Variants in NOX4 observed in about 807,000 individuals in gnomAD.
NOX4 encodes kidney oxidase-1.
In NOX4, 69 loss-of-function variants were observed where a neutral mutation model predicts 87.6. That is an observed-to-expected ratio of 0.79 (90% CI 0.65 to 0.96). The LOEUF is 0.96. NOX4 is among the 40% of genes least tolerant of loss of function. NOX4 has a pLI of 0.00. For missense variants in NOX4, 680 were observed against 681.5 expected, an observed-to-expected ratio of 1.00 and a Z score of 0.02; for synonymous variants, 275 against 238.2, an observed-to-expected ratio of 1.15 and a Z score of -1.42.
At chr11:89,546,634 C>T in the NOX4 span, 1 of 152,174 alleles carries the variant, frequency 6.6e-6, no homozygotes, top group Non-Finnish European at 1.5e-5. Flanking sequence ...AATAATTTCT[C>T]ACAGTTCTGG....
chr11:89,522,016 G>GA, the NOX4 span, among the ~76,000 whole-genome samples: 4 of 148,520 alleles, frequency 2.7e-5, no homozygotes, highest in African/African-American at 5.0e-5. Context: ...CTGTTAGAAA[G>GA]AAAAAACAGC....
intron 4 of NOX4, among the ~76,000 whole-genome samples, chr11:89,448,139 C>G (rs1447719985): frequency 6.6e-6 from 1 of 152,022 alleles, no homozygotes; most frequent in Non-Finnish European, 1.5e-5. Context: ...TAATTCTATC[C>G]TAAAAATTTC....
At chr11:89,566,488 T>A in the NOX4 span, among the ~76,000 whole-genome samples, 2 of 152,320 alleles carry the variant, frequency 1.3e-5, no homozygotes, top group East Asian at 3.9e-4. Context: ...TTTGGTAGGA[T>A]TTATTAGTTT....
intron 7 of NOX4, among the ~76,000 whole-genome samples, chr11:89,424,893 G>A (rs985967922): frequency 1.3e-5 from 2 of 152,012 alleles, no homozygotes; most frequent in Non-Finnish European, 2.9e-5. Context: ...AGAGATATCT[G>A]TCTCCATGAT....
intron 4 of NOX4, among the ~76,000 whole-genome samples, chr11:89,448,491 AT>A (rs1944809863): frequency 6.6e-6 from 1 of 152,190 alleles, no homozygotes; most frequent in Non-Finnish European, 1.5e-5. Flanking sequence ...AAATTTTGAC[AT>A]TGGTTTTTCT....
At chr11:89,339,052 G>A (rs1373519815) in intron 15 of NOX4, among the ~76,000 whole-genome samples, 1 of 152,118 alleles carries the variant, frequency 6.6e-6, no homozygotes, top group African/African-American at 2.4e-5. Flanking sequence ...AATAGTTTCA[G>A]ATTGATAGTA....
chr11:89,413,535 G>A (rs1942598926), intron 8 of NOX4, among the ~76,000 whole-genome samples: 2 of 152,072 alleles, frequency 1.3e-5, no homozygotes. Flanking sequence ...GACGTGGGTG[G>A]AACTGAGGTC....
chr11:89,522,375 G>T, the NOX4 span, among the ~76,000 whole-genome samples: 1 of 152,134 alleles, frequency 6.6e-6, no homozygotes, highest in Non-Finnish European at 1.5e-5. Flanking sequence ...AATGCAGCTG[G>T]AGGCCATTAT....
chr11:89,473,924 T>C (rs974495998), intron 2 of NOX4, among the ~76,000 whole-genome samples: 1 of 152,162 alleles, frequency 6.6e-6, no homozygotes, highest in African/African-American at 2.4e-5. Flanking sequence ...AGGTACTCAG[T>C]TAAGAGGGAC....
chr11:89,460,482 C>G (rs1317687865), intron 2 of NOX4, among the ~76,000 whole-genome samples: 1 of 152,142 alleles, frequency 6.6e-6, no homozygotes, highest in South Asian at 2.1e-4. Context: ...ACAACCCCAT[C>G]AAAAAGTGGG....
chr11:89,461,302 G>C (rs1945451382), intron 2 of NOX4, among the ~76,000 whole-genome samples: 1 of 151,372 alleles, frequency 6.6e-6, no homozygotes, highest in Non-Finnish European at 1.5e-5. Flanking sequence ...AAAACTTAAA[G>C]TATAATTAAA....
intron 8 of NOX4, among the ~76,000 whole-genome samples, chr11:89,417,846 A>G (rs959725647): frequency 6.6e-6 from 1 of 152,088 alleles, no homozygotes; most frequent in African/African-American, 2.4e-5. Context: ...GATTTTATTA[A>G]TCCCATTTAA....
the NOX4 span, among the ~76,000 whole-genome samples, chr11:89,561,075 A>ATATATATATATATATATATATATCCT: frequency 8.2e-6 from 1 of 121,234 alleles, no homozygotes; most frequent in Non-Finnish European, 1.7e-5. Flanking sequence ...ATATATATAT[A>ATATATATATATATATATATATATCCT]TATATATATA....
At position 89,383,316 on chromosome 11, in the gene NOX4, G is replaced by A. The variant is rs556322082; in HGVS notation, c.1075-9824C>T. On this transcript the variant is annotated intron_variant, in intron 11 of 17. Transcript: ENST00000263317. Reference sequence around the variant, plus strand: ...GCCTGCAGCCCAGGATTCCTCCTAAGCCATGTCCCATCTATGCGGGACCCC... The same window carrying A: ...GCCTGCAGCCCAGGATTCCTCCTAAACCATGTCCCATCTATGCGGGACCCC... Among the ~76,000 whole-genome samples the A allele has an allele frequency of 4.6e-5, 7 of 152,288 alleles. No individual in the cohort carries two copies. In the East Asian group the frequency reaches 1.4e-3, roughly 29 times the overall value.
At chr11:89,542,532 T>A in the NOX4 span, among the ~76,000 whole-genome samples, 1 of 152,202 alleles carries the variant, frequency 6.6e-6, no homozygotes, top group Non-Finnish European at 1.5e-5. Flanking sequence ...AGTAATAAAA[T>A]ATTAAGCCAG....
chr11:89,384,986 T>G (rs1055528128), intron 11 of NOX4, among the ~76,000 whole-genome samples: 1 of 152,140 alleles, frequency 6.6e-6, no homozygotes, highest in Middle Eastern at 3.2e-3. Flanking sequence ...CAGGCCTAAT[T>G]GCCACTCATT....
At chr11:89,585,177 A>C in the NOX4 span, among the ~76,000 whole-genome samples, 13 of 152,058 alleles carry the variant, frequency 8.5e-5, no homozygotes, top group Non-Finnish European at 1.5e-4. Flanking sequence ...TATGCTTAGA[A>C]ATTCTTAGTC....
intron 11 of NOX4, among the ~76,000 whole-genome samples, chr11:89,378,560 T>C (rs1366299039): frequency 6.6e-6 from 1 of 152,142 alleles, no homozygotes; most frequent in African/African-American, 2.4e-5. Flanking sequence ...ATCAGTATTA[T>C]ATATTCCACA....
At chr11:89,415,751 C>A (rs1329190401) in intron 8 of NOX4, among the ~76,000 whole-genome samples, 1 of 152,072 alleles carries the variant, frequency 6.6e-6, no homozygotes, top group Non-Finnish European at 1.5e-5. Context: ...GGGCACCAAA[C>A]TGATAACGAG....
Sources: allele counts gnomAD v4.1 joint callset (sites outside exome capture counted in the v4.1 genomes callset), GRCh38; gene constraint gnomAD v4.1.1; transcripts MANE v1.5; gene names NCBI Gene and HGNC (gene_info 2026-07-23, HGNC 2026-07-21).